The following UTS2B variants were observed in gnomAD, a reference collection of about 807,000 sequenced individuals.
The protein encoded by UTS2B is urotensin 2B, also known as urotensin-2B.
UTS2B carries 21 observed loss-of-function variants against 19.2 expected under a neutral mutation model. The observed-to-expected ratio is 1.09, with a 90% CI of 0.78 to 1.58. The LOEUF (loss-of-function observed/expected upper bound fraction) is 1.58. Ranked by LOEUF, UTS2B falls within the 40% of genes most tolerant of loss-of-function variation. The pLI, the probability that UTS2B is intolerant of heterozygous loss-of-function variation, is 0.00. For missense variants in UTS2B, 138 were observed against 130.3 expected (o/e 1.06, Z -0.29); for synonymous variants, 57 against 50.2 (o/e 1.14, Z -0.58).
chr3:191,339,606 T>G, the UTS2B span, among the ~76,000 whole-genome samples: 1 of 152,174 alleles, frequency 6.6e-6, no homozygotes, highest in Non-Finnish European at 1.5e-5. Flanking sequence ...GCGTTGCAGA[T>G]GAACATAAAA....
At chr3:191,332,443 G>T (rs917896632), upstream of UTS2B, among the ~76,000 whole-genome samples, 1 of 152,156 alleles carries the variant, frequency 6.6e-6, no homozygotes, top group African/African-American at 2.4e-5. Flanking sequence ...TTAAAAGTGT[G>T]TTTGGAACAT....
chr3:191,290,140 C>T (rs531088201), intron 4 of UTS2B, among the ~76,000 whole-genome samples: 266 of 152,270 alleles, frequency 1.7e-3, no homozygotes, highest in Middle Eastern at 0.01. Context: ...CCATTTCCAT[C>T]CACTTTGGGG....
chr3:191,282,911 C>G (rs1372277730), intron 4 of UTS2B, among the ~76,000 whole-genome samples: 1 of 152,188 alleles, frequency 6.6e-6, no homozygotes, highest in East Asian at 1.9e-4. Flanking sequence ...CAGTTACTCT[C>G]TTTAATACTT....
intron 5 of UTS2B, among the ~76,000 whole-genome samples, chr3:191,279,563 A>G (rs983834376): frequency 6.6e-6 from 1 of 152,028 alleles, no homozygotes; most frequent in Non-Finnish European, 1.5e-5. Context: ...ACTAAGAGTA[A>G]TGTAACTAGA....
chr3:191,284,781 A>G (rs4388026), intron 4 of UTS2B, among the ~76,000 whole-genome samples: 76,578 of 151,512 alleles, frequency 0.51, 21,089 homozygotes, highest in Middle Eastern at 0.62. Context: ...TATAATTTCC[A>G]AAATATTTTT....
chr3:191,293,813 G>T (rs1338634954), intron 4 of UTS2B, among the ~76,000 whole-genome samples: 1 of 151,890 alleles, frequency 6.6e-6, no homozygotes, highest in Non-Finnish European at 1.5e-5. Flanking sequence ...AAGTAGAAGT[G>T]AGGGCCTGGT....
At position 191,268,340 on chromosome 3, in the gene UTS2B, T is replaced by C; in HGVS notation, c.*76A>G. 1 of 1,087,468 alleles carries C rather than the reference T, an allele frequency of 9.2e-7. No individual in the cohort carries two copies. Among genetic ancestry groups the C allele is most frequent in the South Asian group, 1.6e-5 (1 of 63,750 alleles). The allele number at this position is 1,087,468 out of a possible 1,614,324, so 67.4% of individuals were successfully genotyped here. On this transcript the variant is annotated 3_prime_UTR_variant, in exon 9 of 9. Coordinates refer to ENST00000340524, the MANE Select transcript of UTS2B (RefSeq NM_198152.5). Reference sequence around the variant, plus strand: ...ATTCCACAGCAATAGTTTCAGGGGGTCTGCCTACAGCAGAGTGAGTAGATA... The same window carrying C: ...ATTCCACAGCAATAGTTTCAGGGGGCCTGCCTACAGCAGAGTGAGTAGATA...
At chr3:191,343,831 A>T in the UTS2B span, among the ~76,000 whole-genome samples, 1 of 152,184 alleles carries the variant, frequency 6.6e-6, no homozygotes. Context: ...TACCAGTTGT[A>T]TTTCAAGAAT....
chr3:191,305,929 C>T (rs1025444284), intron 3 of UTS2B, among the ~76,000 whole-genome samples: 9 of 151,982 alleles, frequency 5.9e-5, no homozygotes, highest in Admixed American at 2.0e-4. Flanking sequence ...CTTTTTTCCC[C>T]GTTGCTTTTT....
At chr3:191,331,669 GTATTATAC>G (rs1295682160), upstream of UTS2B, among the ~76,000 whole-genome samples, 1 of 152,184 alleles carries the variant, frequency 6.6e-6, no homozygotes. Context: ...AGGAAGTGAT[GTATTATAC>G]TAGGAATGTC....
intron 4 of UTS2B, among the ~76,000 whole-genome samples, chr3:191,292,684 CAATGTTG>C (rs1560138335): frequency 6.6e-6 from 1 of 152,016 alleles, no homozygotes; most frequent in Non-Finnish European, 1.5e-5. Context: ...ACCTCCAGTA[CAATGTTG>C]AATAAAAGTG....
At chr3:191,302,373 T>G (rs1717027286) in intron 4 of UTS2B, among the ~76,000 whole-genome samples, 1 of 152,194 alleles carries the variant, frequency 6.6e-6, no homozygotes, top group African/African-American at 2.4e-5. Flanking sequence ...AGCATATGAT[T>G]AAGAAATAAC....
chr3:191,291,366 CTA>C (rs1716708280), intron 4 of UTS2B, among the ~76,000 whole-genome samples: 1 of 152,082 alleles, frequency 6.6e-6, no homozygotes, highest in South Asian at 2.1e-4. Context: ...CTATAAGAAA[CTA>C]TTAGCTACTT....
chr3:191,315,578 G>A (rs1210196397), intron 3 of UTS2B, among the ~76,000 whole-genome samples: 2 of 152,222 alleles, frequency 1.3e-5, no homozygotes, highest in East Asian at 1.9e-4. Flanking sequence ...CACACATTTG[G>A]TGATGGAAGT....
At position 191,299,380 on chromosome 3, in the gene UTS2B, T is replaced by C. The variant is rs540815783; in HGVS notation, c.-125+5112A>G. ...CCAGGGCAAGGGCCCCAATACCCTT[T>C]GCAGCCTCTGGACACTGCTCTTCAC... On this transcript the variant is annotated intron_variant, in intron 4 of 8. Coordinates refer to ENST00000340524, the MANE Select transcript of UTS2B (RefSeq NM_198152.5). 4.0e-4 allele frequency among the ~76,000 whole-genome samples: 61 copies of C among 152,356 alleles called. 1 individual carries two copies. The highest frequency in any genetic ancestry group is 6.5e-4 in the Non-Finnish European group (44 of 68,026).
rs57398216 is a variant in UTS2B, at chr3:191,313,725, C to CTTTTT, written c.-182+2306_-182+2310dup. On this transcript the variant is annotated intron_variant, in intron 3 of 8. Transcript: ENST00000340524. The stretch of plus-strand genomic sequence containing the variant: ...TAAGACAATGCATTCCTCCACTTTC[C>CTTTTT]TTTTTTTTTTTTTTTTTTTTTTTGA... Among the ~76,000 whole-genome samples, 183 of 109,106 alleles carry CTTTTT rather than the reference C, an allele frequency of 1.7e-3. 4 individuals are homozygous for CTTTTT. Among genetic ancestry groups the CTTTTT allele is most frequent in the African/African-American group, 5.3e-3 (154 of 29,318 alleles). 71.6% of individuals were successfully genotyped at this position (109,106 alleles called of 152,430 possible). A position where few individuals can be genotyped will look rare whatever the true frequency, so the allele number is the denominator to read the frequency against.
intron 3 of UTS2B, among the ~76,000 whole-genome samples, chr3:191,309,598 C>T (rs1383204066): frequency 6.6e-6 from 1 of 152,080 alleles, no homozygotes; most frequent in Non-Finnish European, 1.5e-5. Context: ...ATTGTAATCC[C>T]CATTGTTGGA....
intron 4 of UTS2B, among the ~76,000 whole-genome samples, chr3:191,300,947 C>G (rs971538639): frequency 9.9e-5 from 15 of 152,178 alleles, no homozygotes; most frequent in Admixed American, 7.2e-4. Context: ...ATTACTCATT[C>G]TCAGGTATTT....
Position 191,282,296 on chromosome 3 carries a change from G to T in UTS2B, c.-107C>A. 1 of 723,004 alleles carries T rather than the reference G, an allele frequency of 1.4e-6. No homozygotes were observed. The highest frequency in any genetic ancestry group is 2.3e-6 in the Non-Finnish European group (1 of 435,728). The allele number at this position is 723,004 out of a possible 1,614,324, so 44.8% of individuals were successfully genotyped here. ...GAGCTTAGTTGCAAAAGGCAAGTGT[G>T]CCTCAGTTACGAATGATCTAGATGA... is the stretch of plus-strand genomic sequence containing the variant. On this transcript the variant is annotated 5_prime_UTR_variant, in exon 5 of 9. Coordinates refer to ENST00000340524, the MANE Select transcript of UTS2B (RefSeq NM_198152.5).
Sources: allele counts gnomAD v4.1 joint callset (sites outside exome capture counted in the v4.1 genomes callset), GRCh38; gene constraint gnomAD v4.1.1; transcripts MANE v1.5; gene names NCBI Gene and HGNC (gene_info 2026-07-23, HGNC 2026-07-21).